CALCOCO1: variants seen among roughly 807,000 people sequenced by gnomAD.
CALCOCO1 encodes the protein calcium binding and coiled-coil domain 1.
CALCOCO1 carries 44 observed loss-of-function variants against 86.3 expected under a neutral mutation model. The observed-to-expected ratio is 0.51, with a 90% confidence interval of 0.40 to 0.66. CALCOCO1 has a LOEUF of 0.66. Ranked by LOEUF, CALCOCO1 falls within the 30% of genes least tolerant of loss-of-function variation. The pLI is 0.00. For missense variants in CALCOCO1, 708 were observed against 851.1 expected, an observed-to-expected ratio of 0.83 and a Z score of 2.09; for synonymous variants, 297 against 327.6, an observed-to-expected ratio of 0.91 and a Z score of 1.01.
At chr12:53,712,687 T>C (rs906670227) in intron 14 of CALCOCO1, 134 of 684,140 alleles carry the variant, frequency 2.0e-4, no homozygotes, top group Non-Finnish European at 2.6e-4. Context: ...TGTAGCCAGA[T>C]GGATGCTGGA....
At chr12:53,721,758 G>A in intron 5 of CALCOCO1, 143 bp from the exon 6 acceptor site, 2 of 1,070,654 alleles carry the variant, frequency 1.9e-6, no homozygotes, top group South Asian at 2.7e-5. Flanking sequence ...GAAACTGTAA[G>A]GGAACATTCC....
intron 13 of CALCOCO1, 48 bp from the exon 14 acceptor site, chr12:53,713,254 T>G (rs1397530281): frequency 1.4e-6 from 2 of 1,480,594 alleles, no homozygotes; most frequent in Non-Finnish European, 1.9e-6. Flanking sequence ...TGTCCCAAGA[T>G]GGGGGAGCAG....
intron 14 of CALCOCO1, chr12:53,712,814 A>T: frequency 1.4e-6 from 2 of 1,400,782 alleles, no homozygotes; most frequent in Non-Finnish European, 1.9e-6. Context: ...AGAGAGGGGA[A>T]GCAGGGCAAT....
At chr12:53,713,274 A>G (rs1396997359) in intron 13 of CALCOCO1, 68 bp from the exon 14 acceptor site, 14 of 1,325,742 alleles carry the variant, frequency 1.1e-5, no homozygotes, top group Non-Finnish European at 1.4e-5. Flanking sequence ...GCACATTGGG[A>G]CAGGTATGGG....
rs543198929 is a variant in CALCOCO1, at chr12:53,712,900, A to T, written c.1898+200T>A. ...CAGGACCTCTGAGTGCATTGATAAG[A>T]TAGGGGTAGGGATTACCTGAAGGCA... On this transcript the variant is annotated intron_variant, in intron 14 of 14. Transcript: ENST00000550804. 44 of 1,445,088 alleles carry T rather than the reference A, an allele frequency of 3.0e-5. No individual in the cohort carries two copies. In the African/African-American group the frequency reaches 5.3e-4, roughly 18 times the overall value. The allele number at this position is 1,445,088 out of a possible 1,614,324, so 89.5% of individuals were successfully genotyped here.
chr12:53,727,172 TGAGAAGAAG>T (rs1946058920), intron 1 of CALCOCO1, among the ~76,000 whole-genome samples: 1 of 152,016 alleles, frequency 6.6e-6, no homozygotes, highest in Non-Finnish European at 1.5e-5. Context: ...AGAGACGCAT[TGAGAAGAAG>T]GAGAGGACGA....
At chr12:53,724,616 C>G in intron 3 of CALCOCO1, 29 bp downstream of exon 3, 1 of 1,572,166 alleles carries the variant, frequency 6.4e-7, no homozygotes, top group Non-Finnish European at 8.7e-7. Context: ...CTTGGCTCCT[C>G]TCTCCCAATT....
intron 4 of CALCOCO1, chr12:53,722,863 G>C (rs752541530): frequency 2.4e-6 from 1 of 419,376 alleles, no homozygotes; most frequent in Non-Finnish European, 4.6e-6. Flanking sequence ...TTGTGAAACC[G>C]CAACAGAGAG....
intron 4 of CALCOCO1, among the ~76,000 whole-genome samples, chr12:53,722,530 C>G (rs1945903728): frequency 6.6e-6 from 1 of 152,164 alleles, no homozygotes. Flanking sequence ...TGGAGTTGGA[C>G]AGACTTGGGT....
intron 10 of CALCOCO1, 43 bp downstream of exon 10, chr12:53,715,157 C>T: frequency 6.2e-7 from 1 of 1,606,352 alleles, no homozygotes; most frequent in Non-Finnish European, 8.5e-7. Context: ...ATGGATGCCT[C>T]AGGAGGCCAT....
intron 14 of CALCOCO1, 171 bp from the exon 15 acceptor site, chr12:53,712,292 AT>A: frequency 1.7e-6 from 1 of 598,538 alleles, no homozygotes; most frequent in Non-Finnish European, 2.9e-6. Context: ...TGGAAGGCTT[AT>A]TTTTCCAGTT....
At chr12:53,721,806 C>A in intron 5 of CALCOCO1, 191 bp from the exon 6 acceptor site, 1 of 805,430 alleles carries the variant, frequency 1.2e-6, no homozygotes. Flanking sequence ...CTTACCCCAG[C>A]ATTCCTATGT....
intron 1 of CALCOCO1, chr12:53,725,559 G>A (rs953785896): frequency 4.7e-5 from 9 of 192,568 alleles, no homozygotes; most frequent in African/African-American, 2.1e-4. Context: ...ACACTGACGG[G>A]GACAGAGCCT....
intron 6 of CALCOCO1, 79 bp downstream of exon 6, chr12:53,721,388 T>C: frequency 7.5e-7 from 1 of 1,328,920 alleles, no homozygotes; most frequent in East Asian, 2.5e-5. Context: ...ACAGCAGGTC[T>C]GCTTGCCTGA....
intron 14 of CALCOCO1, 67 bp from the exon 15 acceptor site, chr12:53,712,188 C>G: frequency 1.4e-6 from 2 of 1,424,270 alleles, no homozygotes; most frequent in Non-Finnish European, 1.9e-6. Flanking sequence ...TTGCAGACTT[C>G]GGAGAGCAGG....
intron 7 of CALCOCO1, 47 bp from the exon 8 acceptor site, chr12:53,716,462 G>A (rs1161217245): frequency 1.2e-6 from 2 of 1,608,078 alleles, no homozygotes; most frequent in Admixed American, 3.3e-5. Context: ...GTGTGTTGGG[G>A]TGGCTCGGGA....
chr12:53,724,455 T>G (rs1593095927), intron 3 of CALCOCO1, 190 bp downstream of exon 3: 2 of 582,668 alleles, frequency 3.4e-6, no homozygotes, highest in East Asian at 3.0e-5. Flanking sequence ...TGTTTCTATG[T>G]CCCTGATTCT....
intron 4 of CALCOCO1, 136 bp from the exon 5 acceptor site, chr12:53,722,319 T>C: frequency 1.1e-6 from 1 of 899,936 alleles, no homozygotes; most frequent in Non-Finnish European, 1.7e-6. Context: ...AGGAAGGGGA[T>C]GCTCAGTGTG....
At chr12:53,712,188 C>T (rs915164066) in intron 14 of CALCOCO1, 67 bp from the exon 15 acceptor site, 28 of 1,424,152 alleles carry the variant, frequency 2.0e-5, no homozygotes, top group African/African-American at 1.1e-4. Context: ...TTGCAGACTT[C>T]GGAGAGCAGG....
Sources: allele counts gnomAD v4.1 joint callset (sites outside exome capture counted in the v4.1 genomes callset), GRCh38; gene constraint gnomAD v4.1.1; transcripts MANE v1.5; gene names NCBI Gene and HGNC (gene_info 2026-07-23, HGNC 2026-07-21).